The following RFX6 variants were observed in gnomAD, a reference collection of about 807,000 sequenced individuals.
RFX6 encodes the protein regulatory factor X6.
In RFX6, 50 loss-of-function variants were observed where a neutral mutation model predicts 110.8. That is an observed-to-expected ratio of 0.45 (90% CI 0.36 to 0.57). The LOEUF (loss-of-function observed/expected upper bound fraction) is 0.57, where lower values mean the gene tolerates loss of function less well. RFX6 is among the 20% of genes least tolerant of loss of function. The pLI, the probability that RFX6 is intolerant of heterozygous loss-of-function variation, is 0.00. For missense variants in RFX6, 990 were observed against 1,127.0 expected, an observed-to-expected ratio of 0.88 and a Z score of 1.74; for synonymous variants, 383 against 411.2, an observed-to-expected ratio of 0.93 and a Z score of 0.83.
chr6:116,907,233 G>T (rs570746454), intron 6 of RFX6, among the ~76,000 whole-genome samples: 1 of 151,902 alleles, frequency 6.6e-6, no homozygotes, highest in Non-Finnish European at 1.5e-5. Context: ...GTGTAATCCT[G>T]TTAATATGCT....
intron 18 of RFX6, among the ~76,000 whole-genome samples, chr6:116,930,891 T>A (rs1290401819): frequency 6.6e-6 from 1 of 151,504 alleles, no homozygotes; most frequent in Non-Finnish European, 1.5e-5. Flanking sequence ...TTGAGACGAG[T>A]GAAAGTTTGA....
At chr6:116,915,041 C>T (rs191348369) in intron 7 of RFX6, among the ~76,000 whole-genome samples, 152 of 152,294 alleles carry the variant, frequency 1.0e-3, no homozygotes, top group African/African-American at 3.4e-3. Flanking sequence ...CTCACACATT[C>T]AACCTCCAAA....
chr6:116,915,592 A>G (rs1009212711), intron 7 of RFX6, among the ~76,000 whole-genome samples: 1 of 152,078 alleles, frequency 6.6e-6, no homozygotes, highest in African/African-American at 2.4e-5. Context: ...CTGTGTGAAG[A>G]TTTGATGTAT....
intron 4 of RFX6, among the ~76,000 whole-genome samples, chr6:116,889,506 CCTGAGATA>C (rs1774774223): frequency 6.6e-6 from 1 of 151,838 alleles, no homozygotes; most frequent in African/African-American, 2.4e-5. Flanking sequence ...AGGAGTTTTG[CCTGAGATA>C]TCAGGCAAAG....
At chr6:116,918,328 A>G (rs184833190) in intron 10 of RFX6, among the ~76,000 whole-genome samples, 1 of 152,218 alleles carries the variant, frequency 6.6e-6, no homozygotes, top group African/African-American at 2.4e-5. Flanking sequence ...AGATTTAAGC[A>G]CTGTTGATCT....
chr6:116,905,768 T>G (rs1775188035), intron 6 of RFX6, among the ~76,000 whole-genome samples: 1 of 152,022 alleles, frequency 6.6e-6, no homozygotes, highest in Non-Finnish European at 1.5e-5. Flanking sequence ...GCCAGGATGT[T>G]CTCAATCTCT....
chr6:116,890,663 T>C (rs901620036), intron 4 of RFX6, among the ~76,000 whole-genome samples: 2 of 152,210 alleles, frequency 1.3e-5, no homozygotes, highest in African/African-American at 2.4e-5. Flanking sequence ...CATTTCTCTC[T>C]TGTAGAGCTG....
Position 116,880,553 on chromosome 6 carries a change from G to T in RFX6, c.390G>T (p.Glu130Asp). The change falls in exon 3 of 19, where the codon GAG becomes GAT. Residue 130 changes from glutamate to aspartate, a missense_variant. Transcript: ENST00000332958. ...QTQLTLQWLE[E>D]NYIVCEGVCL... ...TGTTCCTTTTTCTTAGGCTTGAAGA[G>T]AATTACATTGTATGTGAAGGAGTTT... The T allele has an allele frequency of 6.2e-7, 1 of 1,612,762 alleles. No homozygotes were observed. The highest frequency in any genetic ancestry group is 8.5e-7 in the Non-Finnish European group (1 of 1,179,086).
rs1775610956 is a variant in RFX6, at chr6:116,922,040, A to AGAT, written c.1329_1331dup. 8.0e-7 allele frequency: 1 copy of AGAT among 1,254,336 alleles called. No homozygotes were observed. Among genetic ancestry groups the AGAT allele is most frequent in the Non-Finnish European group, 1.2e-6 (1 of 859,880 alleles). 77.7% of individuals were successfully genotyped at this position (1,254,336 alleles called of 1,614,324 possible). A position where few individuals can be genotyped will look rare whatever the true frequency, so the allele number is the denominator to read the frequency against. ...TTTCTTTTTTTTTTTTTTCCTGGGT[A>AGAT]GATGACTCTATCACTGTGTTCCAAG... On this transcript the variant is annotated splice_acceptor_variant, in intron 12 of 18. Transcript: ENST00000332958. LOFTEE classifies it high-confidence loss of function.
At chr6:116,887,436 G>GT (rs1265781904) in intron 4 of RFX6, among the ~76,000 whole-genome samples, 1 of 152,156 alleles carries the variant, frequency 6.6e-6, no homozygotes, top group African/African-American at 2.4e-5. Flanking sequence ...GGCAGACACT[G>GT]TACATTCCCA....
At chr6:116,894,107 T>C (rs777711667) in intron 5 of RFX6, 43 bp downstream of exon 5, 2 of 994,046 alleles carry the variant, frequency 2.0e-6, no homozygotes, top group East Asian at 4.8e-5. Context: ...TGTGTTTCTT[T>C]AAATATGCAT....
chr6:116,895,075 CT>C, intron 5 of RFX6, 104 bp from the exon 6 acceptor site: 1 of 628,600 alleles, frequency 1.6e-6, no homozygotes, highest in South Asian at 2.1e-5. Flanking sequence ...GCTTATTTCT[CT>C]AATCATGGTA....
At chr6:116,877,615 C>T in intron 1 of RFX6, 117 bp downstream of exon 1, 1 of 1,078,656 alleles carries the variant, frequency 9.3e-7, no homozygotes, top group South Asian at 1.6e-5. Context: ...ATGTTCTGTC[C>T]AAATCTTTGT....
chr6:116,889,776 G>T (rs1774779981), intron 4 of RFX6, among the ~76,000 whole-genome samples: 1 of 152,064 alleles, frequency 6.6e-6, no homozygotes, highest in Non-Finnish European at 1.5e-5. Flanking sequence ...ATTTTAAATT[G>T]TGGTGATATG....
chr6:116,892,122 T>C (rs1774843853), intron 4 of RFX6, among the ~76,000 whole-genome samples: 1 of 152,226 alleles, frequency 6.6e-6, no homozygotes, highest in Admixed American at 6.5e-5. Context: ...GACAACTCTT[T>C]CTGAAAACAT....
chr6:116,887,923 T>C (rs887921527), intron 4 of RFX6, among the ~76,000 whole-genome samples: 1 of 152,180 alleles, frequency 6.6e-6, no homozygotes, highest in Non-Finnish European at 1.5e-5. Flanking sequence ...TTTACACACA[T>C]GGTAGACTGT....
Position 116,877,672 on chromosome 6 carries a change from C to T in RFX6, c.224-124C>T, listed in dbSNP as rs961294259. The T allele has an allele frequency of 3.7e-6, 4 of 1,082,320 alleles. No homozygotes were observed. In the Admixed American group the frequency reaches 8.8e-5, roughly 24 times the overall value. 67.0% of individuals were successfully genotyped at this position (1,082,320 alleles called of 1,614,324 possible). ...GTAGAGACCTGACATTTTGCATAGC[C>T]CCCCTTTCCTCCCCTCCGCCCCCAC... On this transcript the variant is annotated intron_variant, in intron 1 of 18. Coordinates refer to ENST00000332958, the MANE Select transcript of RFX6 (RefSeq NM_173560.4).
chr6:116,900,265 T>G (rs2114678145), intron 6 of RFX6, among the ~76,000 whole-genome samples: 1 of 151,588 alleles, frequency 6.6e-6, no homozygotes, highest in South Asian at 2.1e-4. Context: ...GAATCTTTTC[T>G]TTTTTTTTGA....
In RFX6 at chr6:116,925,505, C is replaced by A; in HGVS notation, c.1731C>A (p.Asn577Lys). The A allele has an allele frequency of 6.2e-7, 1 of 1,614,166 alleles. No homozygotes were observed. Among genetic ancestry groups the A allele is most frequent in the Non-Finnish European group, 8.5e-7 (1 of 1,179,992 alleles). Residue 577 changes from asparagine (N) to lysine (K), a missense_variant, in exon 16 of 19, where the codon AAC (asparagine) becomes AAA (lysine). By Grantham distance (94) the Asn-to-Lys change is moderately conservative. Coordinates refer to ENST00000332958, the MANE Select transcript of RFX6 (RefSeq NM_173560.4). ...CTCCGAGTTCATGCTTTCTGGCCAA[C>A]CGTAATAAAGGGAGCATGGTTTCCA... is the stretch of plus-strand genomic sequence containing the variant. ...TASPSSCFLA[N>K]RNKGSMVSSD...
Sources: gnomAD v4.1 joint callset for allele counts (sites outside exome capture counted in the v4.1 genomes callset) on GRCh38, gnomAD v4.1.1 for gene constraint, MANE v1.5 for transcripts, NCBI Gene and HGNC (gene_info 2026-07-23, HGNC 2026-07-21) for gene names.